DOCK10: variants seen among roughly 807,000 people sequenced by gnomAD.
DOCK10 encodes dedicator of cytokinesis 10, also known as dedicator of cytokinesis protein 10.
DOCK10 carries 145 observed loss-of-function variants against 280.1 expected under a neutral mutation model. That is an observed-to-expected ratio of 0.52 (90% CI 0.45 to 0.59). DOCK10 has a LOEUF of 0.59. Among genes scored for constraint, DOCK10 ranks in the 20% least tolerant of loss-of-function variants. DOCK10 has a pLI of 0.00. For synonymous variants in DOCK10, 915 were observed against 942.2 expected, an observed-to-expected ratio of 0.97 and a Z score of 0.53; for missense variants, 2,368 against 2,651.7, an observed-to-expected ratio of 0.89 and a Z score of 2.35.
At chr2:224,796,167 G>T in intron 44 of DOCK10, 149 bp downstream of exon 44, 1 of 589,476 alleles carries the variant, frequency 1.7e-6, no homozygotes, top group Non-Finnish European at 3.0e-6. Flanking sequence ...GGCCTCAAGC[G>T]ATCCTCCTGC....
intron 18 of DOCK10, 58 bp downstream of exon 18, chr2:224,852,319 A>T (rs1166633751): frequency 2.2e-6 from 3 of 1,352,272 alleles, no homozygotes; most frequent in Non-Finnish European, 3.1e-6. Flanking sequence ...AATGGTGGAA[A>T]GAATCCCTGC....
At chr2:224,873,630 G>A (rs906576768) in intron 11 of DOCK10, among the ~76,000 whole-genome samples, 1 of 142,544 alleles carries the variant, frequency 7.0e-6, no homozygotes, top group Admixed American at 7.0e-5. Context: ...GCCATCTTGA[G>A]TACTACTAAG....
chr2:225,000,128 G>A (rs1228072050), intron 1 of DOCK10, among the ~76,000 whole-genome samples: 1 of 152,070 alleles, frequency 6.6e-6, no homozygotes, highest in Non-Finnish European at 1.5e-5. Context: ...TTCATGATGA[G>A]TCTTCCGAAG....
At chr2:224,904,931 T>G (rs1024471666) in intron 3 of DOCK10, among the ~76,000 whole-genome samples, 3 of 152,210 alleles carry the variant, frequency 2.0e-5, no homozygotes, top group African/African-American at 7.2e-5. Flanking sequence ...TTTCTTTCAG[T>G]TAAAAATGAG....
chr2:224,989,347 T>C (rs1559931596), intron 1 of DOCK10, among the ~76,000 whole-genome samples: 1 of 152,226 alleles, frequency 6.6e-6, no homozygotes, highest in East Asian at 1.9e-4. Flanking sequence ...TGATTTAAGC[T>C]GTAGCACTGC....
chr2:225,016,199 A>C (rs1689585240), intron 1 of DOCK10, among the ~76,000 whole-genome samples: 1 of 152,186 alleles, frequency 6.6e-6, no homozygotes. Flanking sequence ...TCTTACAATG[A>C]CCTTATTCAT....
In DOCK10 at chr2:224,844,760, T is replaced by C. The variant is rs1696217914; in HGVS notation, c.2561A>G (p.Asn854Ser). 3 of 1,590,804 alleles carry C rather than the reference T, an allele frequency of 1.9e-6. No homozygotes were observed. The highest frequency in any genetic ancestry group is 2.6e-6 in the Non-Finnish European group (3 of 1,166,470). The change falls in exon 22 of 56, where the codon AAT becomes AGT. Residue 854 changes from asparagine to serine, a missense_variant. By Grantham distance (46) the Asn-to-Ser change is conservative. Coordinates refer to ENST00000258390, the MANE Select transcript of DOCK10 (RefSeq NM_014689.3). ...KVSTFVVSTV[N>S]TQDPHVNAFF... ...TCAGGTCAACATACTCACCTGAGTA[T>C]TTACTGTTGATACAACAAATGTCGA...
intron 2 of DOCK10, among the ~76,000 whole-genome samples, chr2:224,918,168 C>T (rs930639799): frequency 2.0e-5 from 3 of 152,200 alleles, no homozygotes; most frequent in African/African-American, 7.2e-5. Context: ...CCAAATCTCT[C>T]CTTTCTTCAC....
At chr2:224,864,403 G>T in intron 13 of DOCK10, 150 bp downstream of exon 13, 1 of 711,468 alleles carries the variant, frequency 1.4e-6, no homozygotes. Flanking sequence ...CCAGCTACTG[G>T]GGAGGCTGAG....
chr2:224,877,080 C>G (rs1698673099), intron 7 of DOCK10, among the ~76,000 whole-genome samples: 1 of 152,188 alleles, frequency 6.6e-6, no homozygotes, highest in Non-Finnish European at 1.5e-5. Flanking sequence ...CTGAGACAGG[C>G]TGGCCCCCTC....
intron 1 of DOCK10, among the ~76,000 whole-genome samples, chr2:225,004,562 G>T (rs1431571638): frequency 2.0e-5 from 3 of 152,240 alleles, no homozygotes; most frequent in African/African-American, 7.2e-5. Flanking sequence ...GAAACTGGAA[G>T]CTCAGAGAGG....
intron 3 of DOCK10, among the ~76,000 whole-genome samples, chr2:224,915,893 G>T (rs576371096): frequency 2.0e-5 from 3 of 152,230 alleles, no homozygotes; most frequent in Non-Finnish European, 4.4e-5. Context: ...CCAATAAAAT[G>T]CAAGTCAATG....
At chr2:224,913,180 T>A (rs762713965) in intron 3 of DOCK10, among the ~76,000 whole-genome samples, 4 of 152,202 alleles carry the variant, frequency 2.6e-5, no homozygotes, top group Non-Finnish European at 5.9e-5. Context: ...CAATGCAGCA[T>A]ATATGTCTTA....
intron 2 of DOCK10, among the ~76,000 whole-genome samples, chr2:224,917,101 CTTTT>C (rs58223345): frequency 1.0e-5 from 1 of 95,772 alleles, no homozygotes; most frequent in Non-Finnish European, 1.9e-5. Flanking sequence ...CTATTGGAAT[CTTTT>C]TTTTTTTTTT....
intron 27 of DOCK10, among the ~76,000 whole-genome samples, chr2:224,827,786 A>G (rs1694964143): frequency 6.6e-6 from 1 of 152,230 alleles, no homozygotes; most frequent in South Asian, 2.1e-4. Context: ...GCAGAAAAGC[A>G]AAAATAGGAT....
intron 48 of DOCK10, among the ~76,000 whole-genome samples, chr2:224,787,673 C>A (rs1222168776): frequency 6.6e-6 from 1 of 152,204 alleles, no homozygotes; most frequent in Non-Finnish European, 1.5e-5. Context: ...ACTCCCTGAC[C>A]CCTGCTATAG....
chr2:224,970,881 C>T lies in DOCK10; in HGVS notation c.124-39213G>A, dbSNP rs1185900389. On this transcript the variant is annotated intron_variant, in intron 1 of 55. Coordinates refer to ENST00000258390, the MANE Select transcript of DOCK10 (RefSeq NM_014689.3). This position sits in a 1 kb window ranked among gnomAD's most constrained non-coding sequence, Gnocchi z 4.6. ...ATTGACATTACTTTGTATTTTGTAG[C>T]TAGCATCTATGTAGTTTCACTTAAA... Among the ~76,000 whole-genome samples the T allele has an allele frequency of 1.3e-5, 2 of 152,186 alleles. No homozygotes were observed. The highest frequency in any genetic ancestry group is 2.9e-5 in the Non-Finnish European group (2 of 68,030).
At chr2:225,034,910 G>T (rs188810239) in intron 1 of DOCK10, among the ~76,000 whole-genome samples, 31 of 152,234 alleles carry the variant, frequency 2.0e-4, no homozygotes, top group Non-Finnish European at 3.8e-4. Context: ...CATCTTTAGG[G>T]TATGAACTCT....
intron 1 of DOCK10, among the ~76,000 whole-genome samples, chr2:224,949,054 C>T (rs1163575310): frequency 1.3e-5 from 2 of 152,112 alleles, no homozygotes; most frequent in Admixed American, 6.6e-5. Flanking sequence ...AGGCATCACC[C>T]GGCAGCATAT....
Sources: gnomAD v4.1 joint callset for allele counts (sites outside exome capture counted in the v4.1 genomes callset) on GRCh38, gnomAD v4.1.1 for gene constraint, Gnocchi (gnomAD v3.1) non-coding constraint, MANE v1.5 for transcripts, NCBI Gene and HGNC (gene_info 2026-07-23, HGNC 2026-07-21) for gene names.